The following IFT122 variants were observed in gnomAD, a reference collection of about 807,000 sequenced individuals.
The protein encoded by IFT122 is intraflagellar transport 122.
Under a neutral mutation model 161.6 loss-of-function variants are expected in IFT122, and 118 were observed. The observed-to-expected ratio is 0.73, with a 90% CI of 0.63 to 0.85. The LOEUF is 0.85. Ranked by LOEUF, IFT122 falls within the 40% of genes least tolerant of loss-of-function variation. The pLI, the probability that IFT122 is intolerant of heterozygous loss-of-function variation, is 0.00. For synonymous variants in IFT122, 550 were observed against 602.4 expected, an observed-to-expected ratio of 0.91 and a Z score of 1.27; for missense variants, 1,381 against 1,579.6, an observed-to-expected ratio of 0.87 and a Z score of 2.13.
At chr3:129,506,618 A>G (rs1440753297) in intron 22 of IFT122, 69 bp downstream of exon 22, 6 of 1,601,408 alleles carry the variant, frequency 3.7e-6, no homozygotes, top group Non-Finnish European at 5.1e-6. Flanking sequence ...ACATCAGAAG[A>G]GCTGGGACAT....
At chr3:129,510,028 C>T (rs1441146337) in intron 23 of IFT122, among the ~76,000 whole-genome samples, 1 of 152,210 alleles carries the variant, frequency 6.6e-6, no homozygotes, top group East Asian at 1.9e-4. Context: ...GGCTTCACGC[C>T]AGCTTTCCCT....
intron 26 of IFT122, among the ~76,000 whole-genome samples, chr3:129,517,081 CACAG>C (rs1395519360): frequency 6.9e-6 from 1 of 144,518 alleles, no homozygotes; most frequent in Non-Finnish European, 1.5e-5. Context: ...TGCACACACA[CACAG>C]AGACTGCCCC....
At chr3:129,453,811 A>T (rs1295302484) in intron 3 of IFT122, among the ~76,000 whole-genome samples, 2 of 151,964 alleles carry the variant, frequency 1.3e-5, no homozygotes, top group African/African-American at 4.8e-5. Context: ...ATTTATTTTA[A>T]AATAAATCCA....
At chr3:129,459,856 T>C (rs2076035916) in intron 4 of IFT122, among the ~76,000 whole-genome samples, 1 of 151,522 alleles carries the variant, frequency 6.6e-6, no homozygotes, top group South Asian at 2.1e-4. Context: ...CAGGCTCAAA[T>C]AATCCTCTTA....
intron 24 of IFT122, chr3:129,513,076 C>G (rs543795502): frequency 1.3e-5 from 2 of 156,254 alleles, no homozygotes; most frequent in South Asian, 4.0e-4. Flanking sequence ...TGAGGGGACC[C>G]TGGGTGGGAG....
chr3:129,469,389 T>C lies in IFT122; in HGVS notation c.788T>C (p.Val263Ala), dbSNP rs935305563. Reference protein sequence around the residue: ...ILAVADWGQKVSFYQLSGKQI... With the variant: ...ILAVADWGQKASFYQLSGKQI... The stretch of plus-strand genomic sequence containing the variant: ...GCTGTGGCTGACTGGGGACAGAAAG[T>C]TTCCTTCTACCAGCTGAGTGGAAAA... Residue 263 changes from valine (V) to alanine (A), a missense_variant, in exon 9 of 30, where the codon GTT becomes GCT. Coordinates refer to ENST00000348417, the MANE Select transcript of IFT122 (RefSeq NM_052989.3). 6.2e-7 allele frequency: 1 copy of C among 1,614,052 alleles called. No homozygotes were observed. Among genetic ancestry groups the C allele is most frequent in the Non-Finnish European group, 8.5e-7 (1 of 1,179,948 alleles).
intron 4 of IFT122, chr3:129,459,484 T>C: frequency 3.2e-6 from 1 of 308,170 alleles, no homozygotes; most frequent in South Asian, 2.5e-5. Flanking sequence ...AGAGATGGGG[T>C]TTCACCATGT....
rs1489615495 is a variant in IFT122, at chr3:129,495,690, A to G, written c.2208+83A>G. 3.3e-6 allele frequency: 5 copies of G among 1,509,218 alleles called. No individual in the cohort carries two copies. In the African/African-American group the frequency reaches 6.9e-5, roughly 21 times the overall value. The allele number at this position is 1,509,218 out of a possible 1,614,324, so 93.5% of individuals were successfully genotyped here. A position where few individuals can be genotyped will look rare whatever the true frequency, so the allele number is the denominator to read the frequency against. On this transcript the variant is annotated intron_variant, in intron 18 of 29. Coordinates refer to ENST00000348417, the MANE Select transcript of IFT122 (RefSeq NM_052989.3). ...TGCGGTGTCCAAGTTATTTTCCCCAAGAGTGCTGCGGACAAAAACTAGCAA... is the reference window on the plus strand; with the variant it reads ...TGCGGTGTCCAAGTTATTTTCCCCAGGAGTGCTGCGGACAAAAACTAGCAA...
chr3:129,469,569 A>C, intron 9 of IFT122, 152 bp downstream of exon 9: 1 of 701,112 alleles, frequency 1.4e-6, no homozygotes, highest in Non-Finnish European at 2.5e-6. Context: ...TGCTTTGCAT[A>C]CTTTATCCTA....
chr3:129,465,187 T>C lies in IFT122; in HGVS notation c.563+406T>C, dbSNP rs536332543. ...GTGTGTGAGTGATGCAGCAGGACCA[T>C]TTCCTTATGAATCAATAGTGGAGCT... On this transcript the variant is annotated intron_variant, in intron 7 of 29. Coordinates refer to ENST00000348417, the MANE Select transcript of IFT122 (RefSeq NM_052989.3). 3.3e-5 allele frequency among the ~76,000 whole-genome samples: 5 copies of C among 151,694 alleles called. No individual in the cohort carries two copies. The South Asian group carries it at 1.0e-3, about 32-fold the overall frequency.
intron 20 of IFT122, 129 bp downstream of exon 20, chr3:129,503,011 G>A (rs2081765981): frequency 1.2e-6 from 1 of 810,876 alleles, no homozygotes; most frequent in Non-Finnish European, 1.9e-6. Flanking sequence ...ACATTGGGCT[G>A]GCAGTCAGGT....
At chr3:129,515,111 C>T (rs996542081) in intron 25 of IFT122, 1 of 406,698 alleles carries the variant, frequency 2.5e-6, no homozygotes, top group Non-Finnish European at 4.6e-6. Flanking sequence ...TGGGTTCCCC[C>T]TTTCCCACAG....
intron 9 of IFT122, 35 bp downstream of exon 9, chr3:129,469,452 G>C (rs1411223158): frequency 6.8e-7 from 1 of 1,481,320 alleles, no homozygotes; most frequent in Non-Finnish European, 9.4e-7. Flanking sequence ...TTGCAGTCAT[G>C]CCTGTTATAT....
At chr3:129,498,817 T>TA (rs1301783348) in intron 18 of IFT122, among the ~76,000 whole-genome samples, 5 of 152,182 alleles carry the variant, frequency 3.3e-5, no homozygotes, top group Non-Finnish European at 7.3e-5. Context: ...AACCACTTCT[T>TA]ACCAGTAACA....
In IFT122 at chr3:129,517,301, CAG is replaced by C. The variant is rs55947553; in HGVS notation, c.3266-164_3266-163del. Among the ~76,000 whole-genome samples the C allele has an allele frequency of 6.7e-3, 835 of 125,382 alleles. 10 individuals carry two copies. The highest frequency in any genetic ancestry group is 0.021 in the African/African-American group (724 of 33,876). The allele number at this position is 125,382 out of a possible 152,430, so 82.3% of individuals were successfully genotyped here. A position where few individuals can be genotyped will look rare whatever the true frequency, so the allele number is the denominator to read the frequency against. On this transcript the variant is annotated intron_variant, in intron 26 of 29. Coordinates refer to ENST00000348417, the MANE Select transcript of IFT122 (RefSeq NM_052989.3). ...ACACACACACACACACACACACACA[CAG>C]AGACTGCTCCTGCACACACATACAG...
intron 13 of IFT122, among the ~76,000 whole-genome samples, chr3:129,480,856 A>T (rs917509209): frequency 3.9e-5 from 6 of 152,132 alleles, no homozygotes; most frequent in African/African-American, 1.4e-4. Flanking sequence ...GTTGGGAGTT[A>T]AAGCCAATGT....
chr3:129,479,689 G>A lies in IFT122; in HGVS notation c.1351-96G>A, dbSNP rs900101634. On this transcript the variant is annotated intron_variant, in intron 12 of 29. Coordinates refer to ENST00000348417, the MANE Select transcript of IFT122 (RefSeq NM_052989.3). Reference sequence around the variant, plus strand: ...AGATAGATGGATACTGAATGTGTAGGTATTTTCTCCCCTTAGGGACAGAAA... The same window carrying A: ...AGATAGATGGATACTGAATGTGTAGATATTTTCTCCCCTTAGGGACAGAAA... 4 of 1,431,958 alleles carry A rather than the reference G, an allele frequency of 2.8e-6. No homozygotes were observed. The African/African-American group carries it at 5.6e-5, about 20-fold the overall frequency. 88.7% of individuals were successfully genotyped at this position (1,431,958 alleles called of 1,614,324 possible). A position where few individuals can be genotyped will look rare whatever the true frequency, so the allele number is the denominator to read the frequency against.
chr3:129,501,126 C>T (rs890757289), intron 19 of IFT122, among the ~76,000 whole-genome samples: 1 of 152,062 alleles, frequency 6.6e-6, no homozygotes, highest in Non-Finnish European at 1.5e-5. Context: ...TGGATTCAGC[C>T]TTGGGACTCA....
At chr3:129,500,789 G>A (rs1206582830) in intron 19 of IFT122, among the ~76,000 whole-genome samples, 2 of 152,166 alleles carry the variant, frequency 1.3e-5, no homozygotes, top group African/African-American at 4.8e-5. Flanking sequence ...GAAGTGGGCT[G>A]GCCACACTGG....
Sources: allele counts gnomAD v4.1 joint callset (sites outside exome capture counted in the v4.1 genomes callset), GRCh38; gene constraint gnomAD v4.1.1; transcripts MANE v1.5; gene names NCBI Gene and HGNC (gene_info 2026-07-23, HGNC 2026-07-21).